PUM3: variants seen among roughly 807,000 people sequenced by gnomAD.
PUM3 encodes pumilio homolog 3.
In PUM3, 91 loss-of-function variants were observed where a neutral mutation model predicts 84.0. The observed-to-expected ratio is 1.08, with a 90% confidence interval of 0.91 to 1.29. The LOEUF (loss-of-function observed/expected upper bound fraction) is 1.29. Ranked by LOEUF, PUM3 falls within the 50% of genes most tolerant of loss-of-function variation. The pLI is 0.00. For synonymous variants in PUM3, 321 were observed against 266.7 expected (o/e 1.20, Z -1.98); for missense variants, 1,067 against 767.5 (o/e 1.39, Z -4.61).
intron 13 of PUM3, among the ~76,000 whole-genome samples, chr9:2,819,452 G>C (rs920224907): frequency 6.6e-6 from 1 of 152,180 alleles, no homozygotes; most frequent in Non-Finnish European, 1.5e-5. Context: ...TTTAATTTTA[G>C]TAATAACTTT....
Position 2,804,323 on chromosome 9 carries a change from C to G in PUM3, c.*8G>C. The stretch of plus-strand genomic sequence containing the variant: ...AAATCATTCCATCTTGCTCTTAACT[C>G]TTTCCACCTATGTGCTCAGTTTTTC... On this transcript the variant is annotated 3_prime_UTR_variant, in exon 18 of 18. Transcript: ENST00000397885. 6.2e-7 allele frequency: 1 copy of G among 1,611,908 alleles called. No individual in the cohort carries two copies. The highest frequency in any genetic ancestry group is 8.5e-7 in the Non-Finnish European group (1 of 1,179,460).
At position 2,807,927 on chromosome 9, in the gene PUM3, G is replaced by C. The variant is rs118073593; in HGVS notation, c.1724-23C>G. 6.2e-6 allele frequency: 9 copies of C among 1,449,666 alleles called. No individual in the cohort carries two copies. In the East Asian group the frequency reaches 1.6e-4, roughly 26 times the overall value. The allele number at this position is 1,449,666 out of a possible 1,614,324, so 89.8% of individuals were successfully genotyped here. A position where few individuals can be genotyped will look rare whatever the true frequency, so the allele number is the denominator to read the frequency against. ...AACCTGTAAAATATACTGAAGCTTAGTGAACATCACATAATAAGATATATA... is the reference window on the plus strand; with the variant it reads ...AACCTGTAAAATATACTGAAGCTTACTGAACATCACATAATAAGATATATA... On this transcript the variant is annotated intron_variant, in intron 16 of 17. Coordinates refer to ENST00000397885, the MANE Select transcript of PUM3 (RefSeq NM_014878.5).
At chr9:2,808,980 C>G (rs372285082) in intron 16 of PUM3, among the ~76,000 whole-genome samples, 6 of 152,096 alleles carry the variant, frequency 3.9e-5, no homozygotes, top group African/African-American at 1.2e-4. Flanking sequence ...TGAAGGAGCC[C>G]AAGCAGCCTA....
In PUM3 at chr9:2,828,872, T is replaced by G. The variant is rs566737135; in HGVS notation, c.853-94A>C. ...GTAATTAGTCATTTTAAAATAAGTT[T>G]TAACAAATTTAAGATTTCCCATATT... is the stretch of plus-strand genomic sequence containing the variant. On this transcript the variant is annotated intron_variant, in intron 8 of 17. Coordinates refer to ENST00000397885, the MANE Select transcript of PUM3 (RefSeq NM_014878.5). The G allele has an allele frequency of 2.1e-4, 155 of 753,768 alleles. No individual in the cohort carries two copies. The African/African-American group carries it at 2.4e-3, about 12-fold the overall frequency. The allele number at this position is 753,768 out of a possible 1,614,324, so 46.7% of individuals were successfully genotyped here.
At chr9:2,842,928 T>C (rs1338738747) in intron 1 of PUM3, among the ~76,000 whole-genome samples, 1 of 152,190 alleles carries the variant, frequency 6.6e-6, no homozygotes, top group Non-Finnish European at 1.5e-5. Context: ...GTAAGAAATC[T>C]GAGTTACCCT....
chr9:2,824,789 C>T lies in PUM3; in HGVS notation c.1062G>A (p.Ala354=), dbSNP rs965587604. ...RSEMIEAIRE[A]VVYLAHTHDG... Reference sequence around the variant, plus strand: ...CGTGTGTGTGTGCCAGGTAGACCACCGCTTCGCGGATGGCTTCAATCATTT... The same window carrying T: ...CGTGTGTGTGTGCCAGGTAGACCACTGCTTCGCGGATGGCTTCAATCATTT... Residue 354 remains alanine (A), a synonymous_variant, in exon 11 of 18, where the codon GCG becomes GCA. Transcript: ENST00000397885. The T allele has an allele frequency of 8.9e-6, 14 of 1,577,668 alleles. No individual in the cohort carries two copies. Among genetic ancestry groups the T allele is most frequent in the African/African-American group, 1.3e-5 (1 of 74,340 alleles).
At chr9:2,820,416 G>C (rs532829554) in intron 12 of PUM3, among the ~76,000 whole-genome samples, 1 of 151,864 alleles carries the variant, frequency 6.6e-6, no homozygotes, top group East Asian at 1.9e-4. Context: ...ATAGCTACTT[G>C]AAAATTATAC....
chr9:2,820,238 A>T, intron 12 of PUM3, 140 bp from the exon 13 acceptor site: 1 of 511,802 alleles, frequency 2.0e-6, no homozygotes, highest in Non-Finnish European at 3.5e-6. Flanking sequence ...TACATTGACA[A>T]CTTGTCTAAC....
chr9:2,839,826 T>C (rs3824351), intron 1 of PUM3, among the ~76,000 whole-genome samples: 67,105 of 152,126 alleles, frequency 0.44, 15,515 homozygotes, highest in South Asian at 0.58. Flanking sequence ...TTTCTCTGTA[T>C]GTTTGTTCTA....
Position 2,823,787 on chromosome 9 carries a change from C to T in PUM3, c.1182G>A (p.Val394=). 6.9e-7 allele frequency: 1 copy of T among 1,448,488 alleles called. No individual in the cohort carries two copies. The highest frequency in any genetic ancestry group is 9.5e-7 in the Non-Finnish European group (1 of 1,050,838). 89.7% of individuals were successfully genotyped at this position (1,448,488 alleles called of 1,614,324 possible). ...VKTMKTYVEK[V]ANGQYSHLVL... ...GTAGTTTTATTATACTTACATTAGC[C>T]ACCTTTTCAACATAAGTCTTCATTG... Residue 394 remains valine, a synonymous_variant, in exon 12 of 18, where the codon GTG becomes GTA. Coordinates refer to ENST00000397885, the MANE Select transcript of PUM3 (RefSeq NM_014878.5).
intron 7 of PUM3, among the ~76,000 whole-genome samples, chr9:2,830,150 A>G (rs1340669639): frequency 2.0e-5 from 3 of 152,184 alleles, no homozygotes; most frequent in Non-Finnish European, 4.4e-5. Flanking sequence ...GTTCTGCTCG[A>G]AAAAAACAGT....
At chr9:2,837,133 C>T (rs1195909601) in intron 3 of PUM3, 47 bp downstream of exon 3, 4 of 1,512,054 alleles carry the variant, frequency 2.6e-6, no homozygotes, top group Admixed American at 3.4e-5. Context: ...AGTCCCTGTG[C>T]ACAATCGTTC....
chr9:2,807,704 G>A (rs1301231401), intron 17 of PUM3, 110 bp downstream of exon 17: 7 of 630,206 alleles, frequency 1.1e-5, no homozygotes, highest in Admixed American at 1.0e-4. Flanking sequence ...GTGACTGGGA[G>A]TAATATTAGA....
chr9:2,825,420 C>G (rs975454644), intron 10 of PUM3, among the ~76,000 whole-genome samples: 3 of 152,148 alleles, frequency 2.0e-5, no homozygotes, highest in Admixed American at 2.0e-4. Context: ...TAATTTCTCA[C>G]TAGGTAGCTT....
rs370532698 is a variant in PUM3, at chr9:2,806,990, C to T, written c.1814+824G>A. On this transcript the variant is annotated intron_variant, in intron 17 of 17. Coordinates refer to ENST00000397885, the MANE Select transcript of PUM3 (RefSeq NM_014878.5). Reference sequence around the variant, plus strand: ...TTGGGAGCCCGAGGTGGGCAGATCACGAGGTCAGGAGATCGAGACCATCCT... The same window carrying T: ...TTGGGAGCCCGAGGTGGGCAGATCATGAGGTCAGGAGATCGAGACCATCCT... Among the ~76,000 whole-genome samples the T allele has an allele frequency of 2.0e-3, 297 of 151,960 alleles. 1 individual carries two copies. Among genetic ancestry groups the T allele is most frequent in the African/African-American group, 6.3e-3 (259 of 41,410 alleles).
intron 8 of PUM3, among the ~76,000 whole-genome samples, chr9:2,829,225 G>C (rs1339342415): frequency 6.6e-6 from 1 of 152,238 alleles, no homozygotes; most frequent in Non-Finnish European, 1.5e-5. Flanking sequence ...TCAGACACAT[G>C]TGTGCATTTA....
rs764032456 is a variant in PUM3, at chr9:2,811,341, G to T, written c.1635+20C>A. Reference sequence around the variant, plus strand: ...TGTGGCCTTTGCAGCTTTCCTGCCTGTGCTTTAATGGCACATTACCTCTCC... The same window carrying T: ...TGTGGCCTTTGCAGCTTTCCTGCCTTTGCTTTAATGGCACATTACCTCTCC... On this transcript the variant is annotated intron_variant, in intron 15 of 17. Transcript: ENST00000397885. 6.2e-7 allele frequency: 1 copy of T among 1,610,428 alleles called. No individual in the cohort carries two copies. Among genetic ancestry groups the T allele is most frequent in the South Asian group, 1.1e-5 (1 of 90,946 alleles).
chr9:2,809,372 A>G (rs1821320286), intron 16 of PUM3, among the ~76,000 whole-genome samples: 1 of 152,208 alleles, frequency 6.6e-6, no homozygotes, highest in Admixed American at 6.5e-5. Flanking sequence ...TCTGGCATAA[A>G]CTCAACTATA....
chr9:2,836,635 G>A (rs1816128884), intron 3 of PUM3, among the ~76,000 whole-genome samples: 1 of 152,070 alleles, frequency 6.6e-6, no homozygotes, highest in Admixed American at 6.5e-5. Context: ...GCCATCAGAG[G>A]GATTTATTGT....
Sources: allele counts gnomAD v4.1 joint callset (sites outside exome capture counted in the v4.1 genomes callset), GRCh38; gene constraint gnomAD v4.1.1; transcripts MANE v1.5; gene names NCBI Gene and HGNC (gene_info 2026-07-23, HGNC 2026-07-21).